Variants in SPPL2B observed in about 807,000 individuals in gnomAD.
SPPL2B encodes signal peptide peptidase-like 2B.
A neutral mutation model predicts 59.7 loss-of-function variants in SPPL2B; 39 were observed. The observed-to-expected ratio is 0.65, with a 90% CI of 0.51 to 0.85. SPPL2B has a LOEUF of 0.85. SPPL2B is among the 40% of genes least tolerant of loss of function. The pLI is 0.00. For synonymous variants in SPPL2B, 419 were observed against 370.8 expected (o/e 1.13, Z -1.49); for missense variants, 865 against 849.0 (o/e 1.02, Z -0.23).
chr19:2,340,361 C>A lies in SPPL2B; in HGVS notation c.839+189C>A, dbSNP rs1014932456. Reference sequence around the variant, plus strand: ...CTGGGCGAGCTATCAATGGAGCCCACCAGCAGCCAGGCGCCAGGGGTGGCG... The same window carrying A: ...CTGGGCGAGCTATCAATGGAGCCCAACAGCAGCCAGGCGCCAGGGGTGGCG... On this transcript the variant is annotated intron_variant, in intron 7 of 14. Transcript: ENST00000613503. 3 of 607,448 alleles carry A rather than the reference C, an allele frequency of 4.9e-6. No individual in the cohort carries two copies. The African/African-American group carries it at 5.7e-5, about 12-fold the overall frequency. The allele number at this position is 607,448 out of a possible 1,614,324, so 37.6% of individuals were successfully genotyped here. A position where few individuals can be genotyped will look rare whatever the true frequency, so the allele number is the denominator to read the frequency against.
intron 9 of SPPL2B, 147 bp from the exon 10 acceptor site, chr19:2,343,818 C>T (rs1460644053): frequency 1.6e-5 from 10 of 629,572 alleles, no homozygotes; most frequent in Non-Finnish European, 2.3e-5. Flanking sequence ...CAAAGCTCCT[C>T]CTGCGTGGTG....
intron 7 of SPPL2B, chr19:2,340,618 TG>T: frequency 1.8e-6 from 1 of 547,966 alleles, no homozygotes; most frequent in Non-Finnish European, 3.3e-6. Flanking sequence ...GGTGAGGAGG[TG>T]GGAGGTCTGG....
intron 11 of SPPL2B, 62 bp downstream of exon 11, chr19:2,344,486 A>G (rs55704748): frequency 0.25 from 388,373 of 1,563,738 alleles, 50,091 homozygotes; most frequent in Middle Eastern, 0.28. Context: ...CGGAGCGGAT[A>G]GGGCTCGAGG....
chr19:2,345,160 C>G, intron 12 of SPPL2B, 93 bp from the exon 13 acceptor site: 2 of 1,024,094 alleles, frequency 2.0e-6, no homozygotes, highest in Non-Finnish European at 3.0e-6. Flanking sequence ...GCCCACGGCG[C>G]CCACAGGTGC....
At chr19:2,338,983 C>G in intron 4 of SPPL2B, 86 bp from the exon 5 acceptor site, 7 of 1,505,296 alleles carry the variant, frequency 4.7e-6, no homozygotes, top group Non-Finnish European at 6.3e-6. Context: ...GGGTCTCCAG[C>G]CCCAGCCCCA....
intron 14 of SPPL2B, among the ~76,000 whole-genome samples, chr19:2,352,629 A>T (rs1391718772): frequency 6.6e-6 from 1 of 152,094 alleles, no homozygotes; most frequent in African/African-American, 2.4e-5. Context: ...TGGGCATTTC[A>T]GAAGGTTCAG....
At chr19:2,352,507 A>G (rs1237723219) in intron 14 of SPPL2B, among the ~76,000 whole-genome samples, 2 of 152,148 alleles carry the variant, frequency 1.3e-5, no homozygotes, top group Non-Finnish European at 2.9e-5. Flanking sequence ...CTGTGGTTCC[A>G]GTGCCGAGCT....
intron 8 of SPPL2B, chr19:2,342,977 C>T (rs1240787887): frequency 1.3e-5 from 7 of 556,456 alleles, no homozygotes; most frequent in Non-Finnish European, 2.3e-5. Context: ...GCTCCTCTAC[C>T]TGCTTCCGCA....
intron 1 of SPPL2B, among the ~76,000 whole-genome samples, chr19:2,329,286 G>A (rs1968157871): frequency 6.6e-6 from 1 of 152,210 alleles, no homozygotes. Context: ...GTCCAGCCCT[G>A]CACTGGGGTC....
chr19:2,334,692 GCCCATCT>G lies in SPPL2B; in HGVS notation c.158_164del (p.Ala53ValfsTer50). On this transcript the variant is annotated frameshift_variant, in exon 2 of 15. Transcript: ENST00000613503. LOFTEE classifies it high-confidence loss of function. ...CTGCATCCTCTACAACCCGCAGTGG[GCCCATCT>G]TCCGCACGACCTCAGCAAGGCAGTG... The G allele has an allele frequency of 6.2e-7, 1 of 1,611,546 alleles. No individual in the cohort carries two copies. The highest frequency in any genetic ancestry group is 1.1e-5 in the South Asian group (1 of 90,770).
At chr19:2,350,018 C>G (rs1388405371) in intron 13 of SPPL2B, among the ~76,000 whole-genome samples, 3 of 150,168 alleles carry the variant, frequency 2.0e-5, no homozygotes, top group Non-Finnish European at 4.4e-5. Context: ...TCTCCCTCGA[C>G]ACACACTCGC....
intron 3 of SPPL2B, chr19:2,337,984 T>C (rs1425013461): frequency 9.8e-6 from 2 of 203,366 alleles, no homozygotes; most frequent in Non-Finnish European, 2.0e-5. Flanking sequence ...GAGCTGGTCC[T>C]TTCTGGGTAC....
chr19:2,345,346 G>A lies in SPPL2B; in HGVS notation c.1354+16G>A. 1 of 1,611,044 alleles carries A rather than the reference G, an allele frequency of 6.2e-7. No homozygotes were observed. The highest frequency in any genetic ancestry group is 8.5e-7 in the Non-Finnish European group (1 of 1,177,946). On this transcript the variant is annotated intron_variant, in intron 13 of 14. Coordinates refer to ENST00000613503, the MANE Select transcript of SPPL2B (RefSeq NM_152988.3). ...TGCACCATCGGTAAGTGCCTCGGTTGGGCCCGTGCTGGCCTCTCTGGCTCC... is the reference window on the plus strand; with the variant it reads ...TGCACCATCGGTAAGTGCCTCGGTTAGGCCCGTGCTGGCCTCTCTGGCTCC...
rs756675652 is a variant in SPPL2B, at chr19:2,337,608, G to C, written c.352G>C (p.Val118Leu). The change falls in exon 3 of 15, where the codon GTC becomes CTC. Residue 118 changes from valine to leucine, a missense_variant. Val to Leu is a conservative substitution (Grantham distance 32, BLOSUM62 1). Transcript: ENST00000613503. The part of the protein sequence containing the change: ...QGSGARGLLI[V>L]SRERLVPPGG... ...CAGCGGAGCACGCGGGCTGCTCATC[G>C]TCAGCAGGGAGAGGCTGGTACGGCC... 10 of 1,586,854 alleles carry C rather than the reference G, an allele frequency of 6.3e-6. No individual in the cohort carries two copies. Among genetic ancestry groups the C allele is most frequent in the Non-Finnish European group, 8.6e-6 (10 of 1,164,710 alleles).
intron 8 of SPPL2B, chr19:2,341,864 A>C (rs1969078672): frequency 3.2e-6 from 1 of 310,570 alleles, no homozygotes; most frequent in African/African-American, 2.2e-5. Flanking sequence ...TTGGTAGGCC[A>C]AGGCAGGACG....
At chr19:2,336,797 G>A (rs1194317119) in intron 2 of SPPL2B, among the ~76,000 whole-genome samples, 1 of 148,618 alleles carries the variant, frequency 6.7e-6, no homozygotes, top group Non-Finnish European at 1.5e-5. Flanking sequence ...CTGTGGGTGT[G>A]TGTGTGTGTG....
intron 13 of SPPL2B, among the ~76,000 whole-genome samples, chr19:2,348,708 CCACA>C (rs1235709568): frequency 1.8e-5 from 2 of 112,958 alleles, no homozygotes; most frequent in African/African-American, 3.5e-5. Flanking sequence ...CGTTCTCTCT[CCACA>C]CACACTCACG....
intron 8 of SPPL2B, chr19:2,342,846 A>G: frequency 4.1e-6 from 1 of 244,652 alleles, no homozygotes; most frequent in South Asian, 5.7e-5. Flanking sequence ...GGGGACAGCG[A>G]CTGAGGGGAC....
At chr19:2,334,056 C>A (rs1207346695) in intron 1 of SPPL2B, among the ~76,000 whole-genome samples, 1 of 152,124 alleles carries the variant, frequency 6.6e-6, no homozygotes, top group Non-Finnish European at 1.5e-5. Flanking sequence ...TCGTCTGGGC[C>A]CCACCGTGTG....
Sources: gnomAD v4.1 joint callset for allele counts (sites outside exome capture counted in the v4.1 genomes callset) on GRCh38, gnomAD v4.1.1 for gene constraint, MANE v1.5 for transcripts, NCBI Gene and HGNC (gene_info 2026-07-23, HGNC 2026-07-21) for gene names.